GGT7: variants seen among roughly 807,000 people sequenced by gnomAD.
GGT7 encodes gamma-glutamyltransferase 7, also known as glutathione hydrolase 7.
GGT7 carries 30 observed loss-of-function variants against 69.2 expected under a neutral mutation model. The observed-to-expected ratio is 0.43, with a 90% confidence interval of 0.32 to 0.59. GGT7 has a LOEUF of 0.59. Among genes scored for constraint, GGT7 ranks in the 20% least tolerant of loss-of-function variants. The probability of loss-of-function intolerance (pLI) is 0.05; values close to 1 mark genes in which losing one functional copy is unlikely to be tolerated. For missense variants in GGT7, 733 were observed against 901.1 expected (o/e 0.81, Z 2.39); for synonymous variants, 388 against 391.8 (o/e 0.99, Z 0.12).
chr20:34,862,583 T>TAAAA (rs113536080), intron 3 of GGT7, among the ~76,000 whole-genome samples: 2 of 126,866 alleles, frequency 1.6e-5, no homozygotes, highest in African/African-American at 5.6e-5. Context: ...TTTTTCTAGT[T>TAAAA]AAAAAAAAAA....
chr20:34,871,730 G>C (rs1156328202), intron 1 of GGT7, among the ~76,000 whole-genome samples: 1 of 152,226 alleles, frequency 6.6e-6, no homozygotes, highest in Non-Finnish European at 1.5e-5. Flanking sequence ...CAGGCACTGC[G>C]AGGAAGCGAG....
intron 1 of GGT7, among the ~76,000 whole-genome samples, chr20:34,869,675 A>G (rs2079749654): frequency 6.6e-6 from 1 of 152,190 alleles, no homozygotes; most frequent in East Asian, 1.9e-4. Context: ...GGAGGGGTGC[A>G]GAGAGCACTT....
rs1343498787 is a variant in GGT7 at position 34,863,843 on chromosome 20, TC to T, written c.170-296del. Reference sequence around the variant, plus strand: ...CCCAGGGCCCAGGGCTGAGAACACTTCCTGGGGGGTGGGGTGGGGGTTCCAG... The same window carrying T: ...CCCAGGGCCCAGGGCTGAGAACACTTCTGGGGGGTGGGGTGGGGGTTCCAG... On this transcript the variant is annotated intron_variant, in intron 1 of 14. Transcript: ENST00000336431. This position sits in a 1 kb window ranked among gnomAD's most constrained non-coding sequence, Gnocchi z 4.4. 7 of 592,276 alleles carry T rather than the reference TC, an allele frequency of 1.2e-5. No individual in the cohort carries two copies. Among genetic ancestry groups the T allele is most frequent in the Non-Finnish European group, 2.3e-5 (7 of 311,020 alleles). 36.7% of individuals were successfully genotyped at this position (592,276 alleles called of 1,614,324 possible).
At chr20:34,870,254 C>A (rs1568945853) in intron 1 of GGT7, among the ~76,000 whole-genome samples, 1 of 152,166 alleles carries the variant, frequency 6.6e-6, no homozygotes, top group Non-Finnish European at 1.5e-5. Context: ...GTATAAACTC[C>A]CAGAAGCTCA....
intron 7 of GGT7, among the ~76,000 whole-genome samples, chr20:34,858,062 C>G (rs903351507): frequency 6.6e-6 from 1 of 152,176 alleles, no homozygotes; most frequent in Non-Finnish European, 1.5e-5. Flanking sequence ...CAGGCCTGGC[C>G]AATTGGGGCA....
At position 34,852,433 on chromosome 20, in the gene GGT7, C is replaced by T. The variant is rs756937363; in HGVS notation, c.1425G>A (p.Gln475=). 31 of 1,613,996 alleles carry T rather than the reference C, an allele frequency of 1.9e-5. No individual in the cohort carries two copies. The South Asian group carries it at 3.1e-4, about 16-fold the overall frequency. Residue 475 remains glutamine (Q), a synonymous_variant, in exon 11 of 15, where the codon CAG becomes CAA. Transcript: ENST00000336431. ...AGTCATCAGGTCCCATGATCAGCAC[C>T]TGGGCAGCCGTGGGAGCTCCGTCTA... ...YELDGAPTAA[Q]VLIMGPDDFI...
chr20:34,849,937 A>C, intron 14 of GGT7, 24 bp downstream of exon 14: 2 of 1,474,974 alleles, frequency 1.4e-6, no homozygotes, highest in Non-Finnish European at 1.9e-6. Flanking sequence ...TGCCCGCCCC[A>C]CGAGGTCTCT....
At chr20:34,847,920 T>C (rs764746593) in intron 14 of GGT7, among the ~76,000 whole-genome samples, 14 of 152,118 alleles carry the variant, frequency 9.2e-5, no homozygotes, top group Non-Finnish European at 1.2e-4. Context: ...GGTGAAACCC[T>C]GTCTCTACAA....
At chr20:34,864,963 C>T (rs2079665197) in intron 1 of GGT7, among the ~76,000 whole-genome samples, 1 of 152,040 alleles carries the variant, frequency 6.6e-6, no homozygotes, top group African/African-American at 2.4e-5. Context: ...GCTGTGATTA[C>T]AGGCACATGC....
In GGT7 at chr20:34,852,233, G is replaced by C; in HGVS notation, c.1509C>G (p.Pro503=). The C allele has an allele frequency of 1.2e-6, 2 of 1,613,902 alleles. No individual in the cohort carries two copies. Among genetic ancestry groups the C allele is most frequent in the South Asian group, 1.1e-5 (1 of 91,082 alleles). The stretch of plus-strand genomic sequence containing the variant: ...TCTGGCTGTTGAGCAGGATCCCCGA[G>C]GGGGTGATAAGGCCGCTGCCAAAGG... ...NQPFGSGLIT[P]SGILLNSQML... is the part of the protein sequence containing the mutation. The change falls in exon 12 of 15, where the codon CCC becomes CCG. Residue 503 remains proline (P), a synonymous_variant. Transcript: ENST00000336431.
At chr20:34,858,966 T>A (rs2079537584) in intron 7 of GGT7, among the ~76,000 whole-genome samples, 1 of 151,998 alleles carries the variant, frequency 6.6e-6, no homozygotes, top group South Asian at 2.1e-4. Context: ...AGGTCAGGAG[T>A]TCGAGACCAG....
rs2079417838 is a variant in GGT7, at chr20:34,852,626, T to G, written c.1320-88A>C. 8.5e-6 allele frequency: 11 copies of G among 1,299,660 alleles called. No homozygotes were observed. In the South Asian group the frequency reaches 1.8e-4, roughly 21 times the overall value. The allele number at this position is 1,299,660 out of a possible 1,614,324, so 80.5% of individuals were successfully genotyped here. A position where few individuals can be genotyped will look rare whatever the true frequency, so the allele number is the denominator to read the frequency against. On this transcript the variant is annotated intron_variant, in intron 10 of 14. Transcript: ENST00000336431. The stretch of plus-strand genomic sequence containing the variant: ...ACTTTTGTGGTGTTTGTGTAATTAT[T>G]TGATGAAATCTACCTCCCTCACTGG...
At chr20:34,868,113 G>A (rs1171447972) in intron 1 of GGT7, among the ~76,000 whole-genome samples, 1 of 93,314 alleles carries the variant, frequency 1.1e-5, no homozygotes, top group African/African-American at 3.9e-5. Flanking sequence ...CAATCCGCCC[G>A]CCTTGGCCTC....
intron 1 of GGT7, among the ~76,000 whole-genome samples, chr20:34,871,559 A>G (rs1214564857): frequency 6.6e-6 from 1 of 152,170 alleles, no homozygotes; most frequent in Admixed American, 6.5e-5. Flanking sequence ...CCCCATACAG[A>G]GTGCAGTCCA....
chr20:34,847,535 T>C (rs529096368), intron 14 of GGT7, among the ~76,000 whole-genome samples: 1 of 152,360 alleles, frequency 6.6e-6, no homozygotes, highest in East Asian at 1.9e-4. Context: ...AATCACTTAA[T>C]CGAAAATCTA....
In GGT7 at chr20:34,845,448, A is replaced by G. The variant is rs2079288405; in HGVS notation, c.1869T>C (p.Gly623=). 6.2e-7 allele frequency: 1 copy of G among 1,613,942 alleles called. No individual in the cohort carries two copies. The highest frequency in any genetic ancestry group is 2.2e-5 in the East Asian group (1 of 44,884). Residue 623 remains glycine (G), a synonymous_variant, in exon 15 of 15, where the codon GGT becomes GGC. Transcript: ENST00000336431. ...AGACATCTACTTTCTCCACGTGGTG[A>G]CCCCTGGCTTCCAGGAACTCAATCT... ...EEEIEFLEAR[G]HHVEKVDVLS...
intron 13 of GGT7, among the ~76,000 whole-genome samples, chr20:34,850,427 G>A (rs1399058753): frequency 6.6e-6 from 1 of 152,182 alleles, no homozygotes; most frequent in African/African-American, 2.4e-5. Flanking sequence ...TAACTTAGTG[G>A]TTAGGAGTGT....
At chr20:34,869,708 G>C (rs1395622628) in intron 1 of GGT7, among the ~76,000 whole-genome samples, 1 of 152,196 alleles carries the variant, frequency 6.6e-6, no homozygotes, top group Non-Finnish European at 1.5e-5. Flanking sequence ...GAAATGAGAA[G>C]AAAAGGAGGA....
chr20:34,854,707 A>G, intron 9 of GGT7, 88 bp from the exon 10 acceptor site: 1 of 1,590,198 alleles, frequency 6.3e-7, no homozygotes, highest in Non-Finnish European at 8.6e-7. Context: ...GAAAACTTGG[A>G]GGGGATTTAG....
Sources: gnomAD v4.1 joint callset for allele counts (sites outside exome capture counted in the v4.1 genomes callset) on GRCh38, gnomAD v4.1.1 for gene constraint, Gnocchi (gnomAD v3.1) non-coding constraint, MANE v1.5 for transcripts, NCBI Gene and HGNC (gene_info 2026-07-23, HGNC 2026-07-21) for gene names.